CEP164: variants seen among roughly 807,000 people sequenced by gnomAD.
The protein encoded by CEP164 is centrosomal protein 164.
CEP164 carries 162 observed loss-of-function variants against 182.7 expected under a neutral mutation model. The ratio of observed to expected loss-of-function variants is 0.89; its 90% CI spans 0.78 to 1.01. The LOEUF is 1.01. Ranked by LOEUF, CEP164 falls within the 50% of genes least tolerant of loss-of-function variation. CEP164 has a pLI of 0.00. For missense variants in CEP164, 1,735 were observed against 1,790.4 expected, an observed-to-expected ratio of 0.97 and a Z score of 0.56; for synonymous variants, 661 against 690.0, an observed-to-expected ratio of 0.96 and a Z score of 0.66.
chr11:117,389,621 A>G (rs934743835), intron 15 of CEP164, among the ~76,000 whole-genome samples: 2 of 152,222 alleles, frequency 1.3e-5, no homozygotes, highest in African/African-American at 4.8e-5. Flanking sequence ...GGGAACAGAA[A>G]GATGAATTGA....
At position 117,393,109 on chromosome 11, in the gene CEP164, G is replaced by T. The variant is rs2044902942; in HGVS notation, c.2599G>T (p.Glu867Ter). Reference protein sequence around the residue: ...EHQQVMAKAREQYEAEERKQR... With the variant: ...EHQQVMAKAR Reference sequence around the variant, plus strand: ...CCAGCAAGTGATGGCTAAGGCCAGAGAGCAGTATGAAGCTGAGGTAGCTCA... The same window carrying T: ...CCAGCAAGTGATGGCTAAGGCCAGATAGCAGTATGAAGCTGAGGTAGCTCA... The change falls in exon 20 of 33, where the codon GAG becomes TAG. Residue 867 changes from glutamate (E) to a stop codon, truncating the protein, a stop_gained. Coordinates refer to ENST00000278935, the MANE Select transcript of CEP164 (RefSeq NM_014956.5). LOFTEE classifies it high-confidence loss of function. 6.2e-7 allele frequency: 1 copy of T among 1,613,070 alleles called. No homozygotes were observed. Among genetic ancestry groups the T allele is most frequent in the South Asian group, 1.1e-5 (1 of 90,988 alleles).
At chr11:117,380,576 C>A in intron 11 of CEP164, 38 bp from the exon 12 acceptor site, 2 of 1,535,158 alleles carry the variant, frequency 1.3e-6, no homozygotes, top group South Asian at 1.2e-5. Context: ...CAAATGCAGT[C>A]CCTCCAACAC....
At chr11:117,372,797 T>C (rs1398751013) in intron 9 of CEP164, among the ~76,000 whole-genome samples, 4 of 152,324 alleles carry the variant, frequency 2.6e-5, no homozygotes, top group Admixed American at 2.6e-4. Flanking sequence ...GAACATTGTG[T>C]GTCGTGACGA....
At position 117,382,905 on chromosome 11, in the gene CEP164, G is replaced by A. The variant is rs1296062422; in HGVS notation, c.1687G>A (p.Val563Met). The A allele has an allele frequency of 6.2e-7, 1 of 1,613,384 alleles. No homozygotes were observed. Among genetic ancestry groups the A allele is most frequent in the South Asian group, 1.1e-5 (1 of 91,020 alleles). The change falls in exon 14 of 33, where the codon GTG becomes ATG. Residue 563 changes from valine (V) to methionine (M), a missense_variant. Val to Met is a conservative substitution (Grantham distance 21). Transcript: ENST00000278935. ...QEEAEDPEEK[V>M]AVSPTPPVSP... is the part of the protein sequence containing the mutation. ...AGAGGCAGAGGATCCTGAGGAGAAG[G>A]TGGCGGTCAGCCCCACCCCGCCAGT... is the stretch of plus-strand genomic sequence containing the variant.
intron 14 of CEP164, among the ~76,000 whole-genome samples, chr11:117,383,143 G>C (rs564494447): frequency 6.6e-6 from 1 of 152,186 alleles, no homozygotes; most frequent in Non-Finnish European, 1.5e-5. Context: ...CCTGGGGTTA[G>C]CTTTGGTCTC....
Position 117,395,810 on chromosome 11 carries a change from G to A in CEP164, c.3089+88G>A, listed in dbSNP as rs1012614826. On this transcript the variant is annotated intron_variant, in intron 24 of 32. Transcript: ENST00000278935. ...TGCTTGTGTCATGGCCCAGTTAATAGGGAGAGGTGGAGTCCCAGCTTGGGA... is the reference window on the plus strand; with the variant it reads ...TGCTTGTGTCATGGCCCAGTTAATAAGGAGAGGTGGAGTCCCAGCTTGGGA... The A allele has an allele frequency of 8.3e-5, 120 of 1,453,456 alleles. 1 individual carries two copies. The African/African-American group carries it at 1.5e-3, about 18-fold the overall frequency. The allele number at this position is 1,453,456 out of a possible 1,614,324, so 90.0% of individuals were successfully genotyped here. A position where few individuals can be genotyped will look rare whatever the true frequency, so the allele number is the denominator to read the frequency against.
rs1283669215 is a variant in CEP164 at position 117,397,226 on chromosome 11, G to T, written c.3414G>T (p.Trp1138Cys). ...QTALKAAQQH[W>C]RHELASAQEV... ...CTCTGAAAGCTGCCCAGCAGCATTGGCGCCATGAGCTGGCCAGTGCGCAGG... is the reference window on the plus strand; with the variant it reads ...CTCTGAAAGCTGCCCAGCAGCATTGTCGCCATGAGCTGGCCAGTGCGCAGG... The change falls in exon 27 of 33, where the codon TGG becomes TGT. Residue 1138 changes from tryptophan to cysteine, a missense_variant. Trp to Cys is a radical substitution (Grantham distance 215). Coordinates refer to ENST00000278935, the MANE Select transcript of CEP164 (RefSeq NM_014956.5). 6.2e-7 allele frequency: 1 copy of T among 1,614,242 alleles called. No individual in the cohort carries two copies. Among genetic ancestry groups the T allele is most frequent in the Non-Finnish European group, 8.5e-7 (1 of 1,180,048 alleles).
chr11:117,339,546 T>TA (rs2037783033), intron 3 of CEP164, among the ~76,000 whole-genome samples: 1 of 86,172 alleles, frequency 1.2e-5, no homozygotes, highest in Non-Finnish European at 2.2e-5. Flanking sequence ...TTTTTTTTTT[T>TA]GAGACAGAGT....
At chr11:117,360,035 T>C (rs915702844) in intron 5 of CEP164, among the ~76,000 whole-genome samples, 1 of 152,238 alleles carries the variant, frequency 6.6e-6, no homozygotes, top group African/African-American at 2.4e-5. Flanking sequence ...TCAGCCCCAC[T>C]ACTGCCCTTC....
Position 117,361,797 on chromosome 11 carries a change from GTTTCTTGAGTTGTAACAA to G in CEP164, c.394-37_394-20del. 1 of 1,612,998 alleles carries G rather than the reference GTTTCTTGAGTTGTAACAA, an allele frequency of 6.2e-7. No individual in the cohort carries two copies. Among genetic ancestry groups the G allele is most frequent in the Non-Finnish European group, 8.5e-7 (1 of 1,179,122 alleles). ...TCTCCGACACTCCCAGAGCCACCTG[GTTTCTTGAGTTGTAACAA>G]GATGTTTTCTGTTGCACAGGCCTTG... is the stretch of plus-strand genomic sequence containing the variant. On this transcript the variant is annotated intron_variant, in intron 5 of 32. Transcript: ENST00000278935.
At chr11:117,366,645 G>T (rs187600625) in intron 8 of CEP164, among the ~76,000 whole-genome samples, 1 of 152,306 alleles carries the variant, frequency 6.6e-6, no homozygotes, top group African/African-American at 2.4e-5. Flanking sequence ...ATTGGAAAGT[G>T]CTAACAACAC....
chr11:117,411,848 G>A lies in CEP164; in HGVS notation c.4217G>A (p.Ser1406Asn). The change falls in exon 32 of 33, where the codon AGC becomes AAC. Residue 1406 changes from serine (S) to asparagine (N), a missense_variant. Coordinates refer to ENST00000278935, the MANE Select transcript of CEP164 (RefSeq NM_014956.5). This position sits in a 1 kb window ranked among gnomAD's most constrained non-coding sequence, Gnocchi z 4.4. ...CATTCGCAAGTCCCTGAGGCGGGCA[G>A]CACCACCTTTCAGGGCATAATTGAG... Reference protein sequence around the residue: ...HSHSQVPEAGSTTFQGIIEAN... With the variant: ...HSHSQVPEAGNTTFQGIIEAN... The A allele has an allele frequency of 6.2e-7, 1 of 1,614,166 alleles. No homozygotes were observed. Among genetic ancestry groups the A allele is most frequent in the East Asian group, 2.2e-5 (1 of 44,878 alleles).
rs2135722788 is a variant in CEP164, at chr11:117,363,414, C to T, written c.688-15C>T. On this transcript the variant is annotated splice_polypyrimidine_tract_variant and intron_variant, in intron 7 of 32. Transcript: ENST00000278935. ...TTTCTTCAGAGTTACCACTTGTCAT[C>T]ATTTTTGTTTCTAGAGTGTCCACAG... The T allele has an allele frequency of 8.1e-6, 13 of 1,604,310 alleles. No homozygotes were observed. The highest frequency in any genetic ancestry group is 9.4e-6 in the Non-Finnish European group (11 of 1,171,182).
chr11:117,375,903 C>A, intron 11 of CEP164, 112 bp downstream of exon 11: 1 of 869,094 alleles, frequency 1.2e-6, no homozygotes, highest in Non-Finnish European at 1.9e-6. Flanking sequence ...TGTAAGTCCT[C>A]TCCCTTCTAA....
At position 117,371,413 on chromosome 11, in the gene CEP164, G is replaced by A; in HGVS notation, c.1099G>A (p.Glu367Lys). 1.9e-6 allele frequency: 3 copies of A among 1,614,062 alleles called. No individual in the cohort carries two copies. The highest frequency in any genetic ancestry group is 2.5e-6 in the Non-Finnish European group (3 of 1,179,976). ...EGSRREEAAK[E>K]PKKKASALEE... ...TTCCAGGAGGGAAGAGGCAGCCAAG[G>A]AGCCAAAGAAGAAGGCTTCTGCTCT... is the stretch of plus-strand genomic sequence containing the variant. Residue 367 changes from glutamate to lysine, a missense_variant, in exon 9 of 33, where the codon GAG (glutamate) becomes AAG (lysine). Coordinates refer to ENST00000278935, the MANE Select transcript of CEP164 (RefSeq NM_014956.5).
At chr11:117,355,817 G>A in intron 5 of CEP164, 3 of 1,086,042 alleles carry the variant, frequency 2.8e-6, no homozygotes, top group South Asian at 5.3e-5. Context: ...GGCCTCAGCT[G>A]AAGATCTACC....
intron 5 of CEP164, among the ~76,000 whole-genome samples, chr11:117,354,095 C>T (rs2040015183): frequency 6.6e-6 from 1 of 151,814 alleles, no homozygotes. Context: ...TGGATCACTG[C>T]AACCTCCGCC....
At chr11:117,390,724 A>G in intron 15 of CEP164, 53 bp from the exon 16 acceptor site, 4 of 1,610,248 alleles carry the variant, frequency 2.5e-6, no homozygotes, top group Non-Finnish European at 3.4e-6. Context: ...TTATGAATAG[A>G]AGAAAGACCT....
At chr11:117,340,985 C>T (rs963308338) in intron 3 of CEP164, among the ~76,000 whole-genome samples, 4 of 152,146 alleles carry the variant, frequency 2.6e-5, no homozygotes, top group African/African-American at 9.7e-5. Context: ...CGCCACCACA[C>T]CCAGCTAATT....
Sources: allele counts gnomAD v4.1 joint callset (sites outside exome capture counted in the v4.1 genomes callset), GRCh38; gene constraint gnomAD v4.1.1; non-coding constraint Gnocchi (gnomAD v3.1); transcripts MANE v1.5; gene names NCBI Gene and HGNC (gene_info 2026-07-23, HGNC 2026-07-21).